Variants in MELK observed in about 807,000 individuals in gnomAD.
MELK encodes pEg3 kinase.
MELK carries 81 observed loss-of-function variants against 85.0 expected under a neutral mutation model. The observed-to-expected ratio is 0.95, with a 90% CI of 0.80 to 1.15. The LOEUF is 1.15. MELK is among the 50% of genes most tolerant of loss of function. MELK has a pLI of 0.00. For missense variants in MELK, 754 were observed against 777.5 expected, an observed-to-expected ratio of 0.97 and a Z score of 0.36; for synonymous variants, 252 against 265.0, an observed-to-expected ratio of 0.95 and a Z score of 0.48.
At position 36,637,083 on chromosome 9, in the gene MELK, C is replaced by T. The variant is rs531593108; in HGVS notation, c.834+3883C>T. Among the ~76,000 whole-genome samples, 69 of 151,488 alleles carry T rather than the reference C, an allele frequency of 4.6e-4. 1 individual carries two copies. Among genetic ancestry groups the T allele is most frequent in the African/African-American group, 1.6e-3 (66 of 40,920 alleles). Reference sequence around the variant, plus strand: ...TCCTGACCTTGTTATCCGCCTGCCTCGGCCTCCCAAAGTGCTGGGATTACA... The same window carrying T: ...TCCTGACCTTGTTATCCGCCTGCCTTGGCCTCCCAAAGTGCTGGGATTACA... On this transcript the variant is annotated intron_variant, in intron 10 of 17. Coordinates refer to ENST00000298048, the MANE Select transcript of MELK (RefSeq NM_014791.4).
At chr9:36,636,947 C>T (rs1477937199) in intron 10 of MELK, among the ~76,000 whole-genome samples, 1 of 151,926 alleles carries the variant, frequency 6.6e-6, no homozygotes, top group African/African-American at 2.4e-5. Flanking sequence ...CCATTCCCCT[C>T]CCTCGGCCTC....
In MELK at chr9:36,597,222, G is replaced by T; in HGVS notation, c.406G>T (p.Glu136Ter). 1 of 1,612,454 alleles carries T rather than the reference G, an allele frequency of 6.2e-7. No individual in the cohort carries two copies. The highest frequency in any genetic ancestry group is 1.1e-5 in the South Asian group (1 of 91,022). ...TATCAAAATATCTTTGTTTTCCCAG[G>T]AAAATTTGCTGTTTGATGAATATCA... ...QGYAHRDLKP[E>*]NLLFDEYHKL... The change falls in exon 6 of 18, where the codon GAA (glutamate) becomes TAA (stop). Residue 136 changes from glutamate to a stop codon, truncating the protein, a stop_gained and splice_region_variant. Coordinates refer to ENST00000298048, the MANE Select transcript of MELK (RefSeq NM_014791.4). LOFTEE classifies it high-confidence loss of function.
At chr9:36,585,612 T>C (rs1822813299) in intron 3 of MELK, among the ~76,000 whole-genome samples, 2 of 151,426 alleles carry the variant, frequency 1.3e-5, no homozygotes. Flanking sequence ...CAGCCTAACA[T>C]TTTGTAATTG....
chr9:36,588,765 T>G (rs1243785569), intron 3 of MELK, among the ~76,000 whole-genome samples: 5 of 152,278 alleles, frequency 3.3e-5, no homozygotes, highest in African/African-American at 4.8e-5. Flanking sequence ...CAGCTTGGCT[T>G]ATCTTCCTCT....
At chr9:36,636,661 A>G (rs1829169703) in intron 10 of MELK, among the ~76,000 whole-genome samples, 1 of 152,166 alleles carries the variant, frequency 6.6e-6, no homozygotes, top group African/African-American at 2.4e-5. Context: ...CTCACTAGAA[A>G]GACTGGCTGT....
intron 8 of MELK, among the ~76,000 whole-genome samples, chr9:36,622,799 C>A (rs1175942469): frequency 6.6e-6 from 1 of 152,140 alleles, no homozygotes; most frequent in African/African-American, 2.4e-5. Context: ...GGTGAGATGG[C>A]CTGCCTCTCT....
At chr9:36,577,222 A>T (rs1045877769) in intron 1 of MELK, among the ~76,000 whole-genome samples, 3 of 152,130 alleles carry the variant, frequency 2.0e-5, no homozygotes, top group African/African-American at 7.2e-5. Flanking sequence ...AGGCTTAAAC[A>T]GGCTTGCTTG....
intron 1 of MELK, among the ~76,000 whole-genome samples, chr9:36,581,369 T>G (rs1359980202): frequency 6.6e-6 from 1 of 151,970 alleles, no homozygotes; most frequent in Non-Finnish European, 1.5e-5. Flanking sequence ...TCATTATTAT[T>G]ATTAGTACTT....
intron 2 of MELK, among the ~76,000 whole-genome samples, chr9:36,581,999 A>T (rs1380984679): frequency 1.3e-5 from 2 of 151,438 alleles, no homozygotes; most frequent in Non-Finnish European, 2.9e-5. Flanking sequence ...ACGGAGTCTC[A>T]CTCTGTCGCC....
chr9:36,636,786 G>GTCTTTCTTTCTTTCTTTCTT (rs1224635956), intron 10 of MELK, among the ~76,000 whole-genome samples: 3 of 50,646 alleles, frequency 5.9e-5, no homozygotes, highest in African/African-American at 1.5e-4. Flanking sequence ...CTTTCTTTCT[G>GTCTTTCTTTCTTTCTTTCTT]TCTGTCTTTC....
Position 36,583,624 on chromosome 9 carries a change from TA to T in MELK, c.59-2del. 7 of 1,599,482 alleles carry T rather than the reference TA, an allele frequency of 4.4e-6. No homozygotes were observed. Among genetic ancestry groups the T allele is most frequent in the Non-Finnish European group, 6.0e-6 (7 of 1,168,832 alleles). On this transcript the variant is annotated splice_acceptor_variant, in intron 2 of 17. Transcript: ENST00000298048. LOFTEE classifies it high-confidence loss of function. ...TGCTTTCATAATACATTTTCCTACT[TA>T]GGTGGCTTTGCAAAGGTCAAACTTG...
At chr9:36,667,753 C>T (rs1337189050) in intron 14 of MELK, among the ~76,000 whole-genome samples, 1 of 151,752 alleles carries the variant, frequency 6.6e-6, no homozygotes, top group African/African-American at 2.4e-5. Flanking sequence ...TTTCTCTTCT[C>T]TCCTCTTCTC....
At chr9:36,639,038 A>T (rs764170339) in intron 10 of MELK, among the ~76,000 whole-genome samples, 5 of 152,132 alleles carry the variant, frequency 3.3e-5, no homozygotes, top group African/African-American at 4.8e-5. Flanking sequence ...TAGCTACTGG[A>T]GCAGAGTGAT....
intron 12 of MELK, among the ~76,000 whole-genome samples, chr9:36,656,510 G>A (rs1831258441): frequency 6.6e-6 from 1 of 152,066 alleles, no homozygotes; most frequent in Non-Finnish European, 1.5e-5. Flanking sequence ...TTGTTTCCAG[G>A]GCCTTGCCCT....
chr9:36,651,316 CAT>C (rs1470910308), intron 11 of MELK, among the ~76,000 whole-genome samples: 2 of 152,076 alleles, frequency 1.3e-5, no homozygotes, highest in East Asian at 3.8e-4. Context: ...TTTACATAAT[CAT>C]AATAATGCAA....
chr9:36,608,157 G>A (rs1297503554), intron 8 of MELK, among the ~76,000 whole-genome samples: 1 of 151,394 alleles, frequency 6.6e-6, no homozygotes, highest in Non-Finnish European at 1.5e-5. Context: ...GCGGGTGCCT[G>A]TAGTCCCAGC....
chr9:36,603,148 A>C (rs559847786), intron 7 of MELK, among the ~76,000 whole-genome samples: 1 of 152,224 alleles, frequency 6.6e-6, no homozygotes, highest in African/African-American at 2.4e-5. Context: ...TGTTAGTTCA[A>C]CTTCCTGTCC....
At chr9:36,675,338 G>A (rs145148125) in intron 17 of MELK, among the ~76,000 whole-genome samples, 143 of 152,238 alleles carry the variant, frequency 9.4e-4, no homozygotes, top group African/African-American at 3.3e-3. Context: ...TAGAAAAAAT[G>A]TATTTCTCCC....
At chr9:36,621,247 G>C (rs568240674) in intron 8 of MELK, among the ~76,000 whole-genome samples, 1 of 109,656 alleles carries the variant, frequency 9.1e-6, no homozygotes, top group Non-Finnish European at 1.7e-5. Context: ...CCTCCAGTCT[G>C]AATGACAGAG....
Sources: allele counts gnomAD v4.1 joint callset (sites outside exome capture counted in the v4.1 genomes callset), GRCh38; gene constraint gnomAD v4.1.1; transcripts MANE v1.5; gene names NCBI Gene and HGNC (gene_info 2026-07-23, HGNC 2026-07-21).